The following CLEC2B variants were observed in gnomAD, a reference collection of about 807,000 sequenced individuals.
CLEC2B encodes the protein C-type lectin domain family 2 member B.
A neutral mutation model predicts 16.2 loss-of-function variants in CLEC2B; 14 were observed. The observed-to-expected ratio is 0.86, with a 90% CI of 0.57 to 1.35. The LOEUF is 1.35. CLEC2B is among the 40% of genes most tolerant of loss of function. The probability of loss-of-function intolerance (pLI) is 0.00; values close to 1 mark genes in which losing one functional copy is unlikely to be tolerated. For missense variants in CLEC2B, 166 were observed against 182.3 expected (o/e 0.91, Z 0.52); for synonymous variants, 42 against 55.8 (o/e 0.75, Z 1.10).
chr12:9,866,452 G>T (rs1265806873), intron 1 of CLEC2B, among the ~76,000 whole-genome samples: 2 of 131,144 alleles, frequency 1.5e-5, no homozygotes, highest in Non-Finnish European at 3.4e-5. Flanking sequence ...CCATTAACTA[G>T]TACCACTTCT....
At chr12:9,864,978 C>T (rs1204567731) in intron 1 of CLEC2B, among the ~76,000 whole-genome samples, 2 of 151,940 alleles carry the variant, frequency 1.3e-5, no homozygotes, top group Non-Finnish European at 2.9e-5. Flanking sequence ...AGGTCAGGAG[C>T]TCAAGACTAG....
chr12:9,867,952 A>G (rs1011656550), intron 1 of CLEC2B, among the ~76,000 whole-genome samples: 12 of 152,060 alleles, frequency 7.9e-5, no homozygotes, highest in Admixed American at 1.3e-4. Flanking sequence ...CTATAGAAAA[A>G]AATCATAAAA....
At chr12:9,859,974 G>T (rs1013179104) in intron 2 of CLEC2B, among the ~76,000 whole-genome samples, 3 of 151,544 alleles carry the variant, frequency 2.0e-5, no homozygotes, top group Admixed American at 6.6e-5. Flanking sequence ...TAAAGCATTT[G>T]ATATTTTAAA....
At chr12:9,862,267 G>T (rs1243144872) in intron 2 of CLEC2B, among the ~76,000 whole-genome samples, 1 of 152,048 alleles carries the variant, frequency 6.6e-6, no homozygotes, top group African/African-American at 2.4e-5. Context: ...GCAAGAAAGT[G>T]TTGAATAGAA....
At chr12:9,866,617 A>C (rs1297166014) in intron 1 of CLEC2B, among the ~76,000 whole-genome samples, 2 of 152,056 alleles carry the variant, frequency 1.3e-5, no homozygotes, top group African/African-American at 4.8e-5. Flanking sequence ...TAAGAGTGTA[A>C]AGATTATTTA....
At position 9,862,370 on chromosome 12, in the gene CLEC2B, G is replaced by T. The variant is rs530520293; in HGVS notation, c.73+129C>A. The T allele has an allele frequency of 4.6e-5, 38 of 829,904 alleles. No homozygotes were observed. The East Asian group carries it at 1.4e-3, about 31-fold the overall frequency. The allele number at this position is 829,904 out of a possible 1,614,324, so 51.4% of individuals were successfully genotyped here. A position where few individuals can be genotyped will look rare whatever the true frequency, so the allele number is the denominator to read the frequency against. ...TGTAATTAATAAAATTTATTCATTT[G>T]TACCAATTAAATGTTATCATGTATA... On this transcript the variant is annotated intron_variant, in intron 2 of 4. Transcript: ENST00000228438.
intron 4 of CLEC2B, among the ~76,000 whole-genome samples, chr12:9,854,126 G>A (rs1190911448): frequency 6.6e-6 from 1 of 152,028 alleles, no homozygotes; most frequent in African/African-American, 2.4e-5. Context: ...TTTAAATTGG[G>A]GTGGGGGGAG....
rs1312365156 is a variant in CLEC2B at position 9,854,129 on chromosome 12, G to A, written c.341+252C>T. 2.0e-5 allele frequency among the ~76,000 whole-genome samples: 3 copies of A among 152,172 alleles called. No individual in the cohort carries two copies. In the East Asian group the frequency reaches 5.8e-4, roughly 29 times the overall value. ...ATCAGAGAAAAGTTTAAATTGGGGT[G>A]GGGGGAGTTGTGTATATGAATCTCA... On this transcript the variant is annotated intron_variant, in intron 4 of 4. Coordinates refer to ENST00000228438, the MANE Select transcript of CLEC2B (RefSeq NM_005127.3).
intron 1 of CLEC2B, among the ~76,000 whole-genome samples, chr12:9,863,895 T>A (rs1032000368): frequency 6.6e-6 from 1 of 151,968 alleles, no homozygotes; most frequent in African/African-American, 2.4e-5. Context: ...AAAGAAATAA[T>A]AACAGAAAGT....
At chr12:9,856,366 G>T (rs1182393487) in intron 3 of CLEC2B, among the ~76,000 whole-genome samples, 1 of 152,050 alleles carries the variant, frequency 6.6e-6, no homozygotes, top group Admixed American at 6.6e-5. Context: ...GCAAAATTCA[G>T]CAGTGACGTT....
intron 1 of CLEC2B, among the ~76,000 whole-genome samples, chr12:9,863,426 A>G (rs1419745807): frequency 6.6e-6 from 1 of 152,214 alleles, no homozygotes. Context: ...GCAAACAGGG[A>G]ACTGCGATAC....
intron 2 of CLEC2B, 108 bp from the exon 3 acceptor site, chr12:9,857,745 G>GCA: frequency 8.1e-6 from 7 of 863,758 alleles, no homozygotes; most frequent in South Asian, 3.2e-5. Context: ...TGGTCACTAT[G>GCA]AAAGTTGTAT....
In CLEC2B at chr12:9,853,417, A is replaced by C. The variant is rs1442147196; in HGVS notation, c.342-9T>G. 5 of 1,606,150 alleles carry C rather than the reference A, an allele frequency of 3.1e-6. No individual in the cohort carries two copies. Among genetic ancestry groups the C allele is most frequent in the Non-Finnish European group, 4.3e-6 (5 of 1,172,868 alleles). ...TCCCTCTCATGCCAAACCTGCAACAAAGGGATTAACCATTATGTAGTCATG... is the reference window on the plus strand; with the variant it reads ...TCCCTCTCATGCCAAACCTGCAACACAGGGATTAACCATTATGTAGTCATG... On this transcript the variant is annotated splice_polypyrimidine_tract_variant and intron_variant, in intron 4 of 4. Transcript: ENST00000228438.
chr12:9,855,560 A>G (rs1867889321), intron 3 of CLEC2B, among the ~76,000 whole-genome samples: 1 of 152,022 alleles, frequency 6.6e-6, no homozygotes, highest in South Asian at 2.1e-4. Context: ...TTGACACAGT[A>G]TGTGCTCTAA....
chr12:9,860,201 T>C (rs1867923121), intron 2 of CLEC2B, among the ~76,000 whole-genome samples: 1 of 151,634 alleles, frequency 6.6e-6, no homozygotes. Flanking sequence ...TCCAACAGAA[T>C]AGGTAAAACA....
intron 1 of CLEC2B, among the ~76,000 whole-genome samples, chr12:9,862,833 TC>T (rs1409346656): frequency 5.3e-5 from 8 of 152,122 alleles, no homozygotes; most frequent in Non-Finnish European, 1.0e-4. Flanking sequence ...CTGCAATCTT[TC>T]CGGTACCCAA....
At chr12:9,860,887 G>C (rs983707281) in intron 2 of CLEC2B, among the ~76,000 whole-genome samples, 1 of 151,672 alleles carries the variant, frequency 6.6e-6, no homozygotes, top group South Asian at 2.1e-4. Flanking sequence ...AGTTATTTCA[G>C]GTTGAAAGAT....
At chr12:9,863,421 C>A (rs1867948077) in intron 1 of CLEC2B, among the ~76,000 whole-genome samples, 1 of 152,020 alleles carries the variant, frequency 6.6e-6, no homozygotes, top group South Asian at 2.1e-4. Context: ...CAACAGCAAA[C>A]AGGGAACTGC....
intron 1 of CLEC2B, 113 bp from the exon 2 acceptor site, chr12:9,862,686 T>G: frequency 4.6e-6 from 4 of 862,248 alleles, no homozygotes; most frequent in African/African-American, 1.8e-5. Flanking sequence ...ATTAGTGCTG[T>G]GATTATCCCC....
Sources: gnomAD v4.1 joint callset for allele counts (sites outside exome capture counted in the v4.1 genomes callset) on GRCh38, gnomAD v4.1.1 for gene constraint, MANE v1.5 for transcripts, NCBI Gene and HGNC (gene_info 2026-07-23, HGNC 2026-07-21) for gene names.